SLIT1: variants seen among roughly 807,000 people sequenced by gnomAD.
SLIT1 encodes slit homolog 1 protein.
SLIT1 carries 66 observed loss-of-function variants against 186.1 expected under a neutral mutation model. That is an observed-to-expected ratio of 0.35 (90% confidence interval 0.29 to 0.44). The LOEUF is 0.44. SLIT1 is among the 20% of genes least tolerant of loss of function. SLIT1 has a pLI of 1.00. For missense variants in SLIT1, 1,638 were observed against 2,037.4 expected, an observed-to-expected ratio of 0.80 and a Z score of 3.77; for synonymous variants, 761 against 833.8, an observed-to-expected ratio of 0.91 and a Z score of 1.50.
At chr10:97,089,584 G>C (rs2817687) in intron 4 of SLIT1, among the ~76,000 whole-genome samples, 5 of 152,022 alleles carry the variant, frequency 3.3e-5, no homozygotes, top group Non-Finnish European at 7.4e-5. Context: ...ATCCCAGGCA[G>C]AGGTGGGAAT....
At chr10:97,114,044 G>A (rs747918223) in intron 4 of SLIT1, among the ~76,000 whole-genome samples, 2 of 152,120 alleles carry the variant, frequency 1.3e-5, no homozygotes, top group South Asian at 2.1e-4. Context: ...AGCCCCTCAG[G>A]ATACTCAGGG....
At chr10:97,178,465 G>T (rs1049206113) in intron 1 of SLIT1, among the ~76,000 whole-genome samples, 1 of 152,170 alleles carries the variant, frequency 6.6e-6, no homozygotes, top group African/African-American at 2.4e-5. Context: ...ACAAAGAAAG[G>T]CTGAGGAGCT....
chr10:97,047,943 G>A, intron 15 of SLIT1, 30 bp downstream of exon 15: 2 of 1,614,048 alleles, frequency 1.2e-6, no homozygotes, highest in Non-Finnish European at 1.7e-6. Flanking sequence ...ATTCCCGCCA[G>A]GCTGGCCTTG....
intron 5 of SLIT1, among the ~76,000 whole-genome samples, 199 bp from the exon 6 acceptor site, chr10:97,065,075 A>T (rs999389892): frequency 2.0e-5 from 3 of 152,180 alleles, no homozygotes; most frequent in Admixed American, 6.5e-5. Context: ...AATCATAAAT[A>T]TAAGTAAAAG....
intron 4 of SLIT1, among the ~76,000 whole-genome samples, chr10:97,099,452 T>TG (rs1037432771): frequency 1.3e-5 from 2 of 149,648 alleles, no homozygotes; most frequent in Non-Finnish European, 3.0e-5. Flanking sequence ...GACTCCAGGT[T>TG]GGGGGGGTGG....
intron 4 of SLIT1, among the ~76,000 whole-genome samples, chr10:97,115,955 T>C (rs112476218): frequency 3.6e-4 from 54 of 151,976 alleles, no homozygotes; most frequent in African/African-American, 1.1e-3. Flanking sequence ...ATGGGCAGAG[T>C]ATGAGAAGCA....
Position 97,006,617 on chromosome 10 carries a change from G to T in SLIT1, c.3445C>A (p.Pro1149Thr), listed in dbSNP as rs371295973. 1.1e-5 allele frequency: 17 copies of T among 1,614,084 alleles called. No homozygotes were observed. The Admixed American group carries it at 1.5e-4, about 14-fold the overall frequency. ...AAGCCTGGGAGGCACTGGCACACAG[G>T]CCTGTTGCCCTGGTCCACACAGTTG... Reference protein sequence around the residue: ...GANCVDQGNRPVCQCLPGFGG... With the variant: ...GANCVDQGNRTVCQCLPGFGG... The change falls in exon 32 of 37, where the codon CCT (proline) becomes ACT (threonine). Residue 1149 changes from proline to threonine, a missense_variant. Physicochemically the swap from Pro to Thr is conservative, Grantham distance 38. This residue lies in a region of SLIT1 where 1,245 missense variants were observed against 1,535.3 expected (regional missense o/e 0.81). Transcript: ENST00000266058. This position sits in a 1 kb window ranked among gnomAD's most constrained non-coding sequence, Gnocchi z 4.0.
Position 97,004,207 on chromosome 10 carries a change from G to A in SLIT1, c.3726C>T (p.Asn1242=), listed in dbSNP as rs757571955. ...GCTCAACGGTGTGGAATTGCCCATCGTTGATCGTCTCAGCACTGGAGGAAG... is the reference window on the plus strand; with the variant it reads ...GCTCAACGGTGTGGAATTGCCCATCATTGATCGTCTCAGCACTGGAGGAAG... ...SSAIYSAETI[N]DGQFHTVELV... The change falls in exon 34 of 37, where the codon AAC becomes AAT. Residue 1242 remains asparagine (N), a synonymous_variant. Transcript: ENST00000266058. This position sits in a 1 kb window ranked among gnomAD's most constrained non-coding sequence, Gnocchi z 5.1. The A allele has an allele frequency of 1.7e-5, 28 of 1,609,744 alleles. No homozygotes were observed. The East Asian group carries it at 2.7e-4, about 15-fold the overall frequency.
chr10:97,014,447 C>T (rs1179400855), intron 28 of SLIT1, among the ~76,000 whole-genome samples: 1 of 152,208 alleles, frequency 6.6e-6, no homozygotes, highest in Non-Finnish European at 1.5e-5. Context: ...GGGCAGGAGA[C>T]ACCTGGCTCC....
At chr10:97,082,083 A>C (rs2134655336) in intron 4 of SLIT1, among the ~76,000 whole-genome samples, 1 of 152,386 alleles carries the variant, frequency 6.6e-6, no homozygotes, top group East Asian at 1.9e-4. Flanking sequence ...AGTGCACATC[A>C]CTAAGCTACT....
At chr10:97,093,848 G>A (rs1849258465) in intron 4 of SLIT1, among the ~76,000 whole-genome samples, 1 of 152,210 alleles carries the variant, frequency 6.6e-6, no homozygotes, top group South Asian at 2.1e-4. Context: ...GGATGTGCAG[G>A]CACCTGTGGG....
chr10:97,125,034 G>T (rs1345984143), intron 4 of SLIT1, among the ~76,000 whole-genome samples: 1 of 152,128 alleles, frequency 6.6e-6, no homozygotes, highest in Non-Finnish European at 1.5e-5. Flanking sequence ...ATGTATTTCA[G>T]CCCATCAAAC....
chr10:97,047,649 G>T (rs1157265690), intron 16 of SLIT1, 41 bp downstream of exon 16: 50 of 1,555,132 alleles, frequency 3.2e-5, no homozygotes, highest in Non-Finnish European at 4.3e-5. Flanking sequence ...GTTAGTGGCA[G>T]TTAGGGACAG....
At chr10:97,183,101 C>T (rs1850364027) in intron 1 of SLIT1, among the ~76,000 whole-genome samples, 1 of 152,152 alleles carries the variant, frequency 6.6e-6, no homozygotes, top group Non-Finnish European at 1.5e-5. Context: ...AAAATCCAAA[C>T]CAACCTTGAT....
At chr10:97,156,589 A>G (rs1849955007) in intron 4 of SLIT1, among the ~76,000 whole-genome samples, 2 of 152,160 alleles carry the variant, frequency 1.3e-5, no homozygotes, top group South Asian at 4.1e-4. Context: ...AAATAAGTAA[A>G]TAAAAGTTTG....
intron 4 of SLIT1, among the ~76,000 whole-genome samples, chr10:97,115,200 G>A (rs1351550166): frequency 6.6e-6 from 1 of 152,224 alleles, no homozygotes; most frequent in Non-Finnish European, 1.5e-5. Context: ...CGTAAGGTTG[G>A]TTTAGAGATT....
intron 5 of SLIT1, among the ~76,000 whole-genome samples, chr10:97,065,103 A>G (rs1314048757): frequency 6.6e-6 from 1 of 151,396 alleles, no homozygotes; most frequent in Non-Finnish European, 1.5e-5. Flanking sequence ...CTTCTACTCA[A>G]CCTTACATAT....
intron 16 of SLIT1, 117 bp downstream of exon 16, chr10:97,047,573 A>T: frequency 9.4e-7 from 1 of 1,061,920 alleles, no homozygotes; most frequent in Non-Finnish European, 1.4e-6. Context: ...GTCCTGAGCC[A>T]GAGGCTCCAG....
At chr10:97,126,949 A>G (rs1849608197) in intron 4 of SLIT1, among the ~76,000 whole-genome samples, 4 of 152,134 alleles carry the variant, frequency 2.6e-5, no homozygotes, top group Admixed American at 2.6e-4. Flanking sequence ...TTTTCCAGAT[A>G]CAACATACGG....
Sources: allele counts gnomAD v4.1 joint callset (sites outside exome capture counted in the v4.1 genomes callset), GRCh38; gene constraint gnomAD v4.1.1; regional missense constraint gnomAD v4.1.1; non-coding constraint Gnocchi (gnomAD v3.1); transcripts MANE v1.5; gene names NCBI Gene and HGNC (gene_info 2026-07-23, HGNC 2026-07-21).